The following ATG7 variants were observed in gnomAD, a reference collection of about 807,000 sequenced individuals.
The protein encoded by ATG7 is autophagy related 7.
ATG7 carries 70 observed loss-of-function variants against 82.4 expected under a neutral mutation model. The ratio of observed to expected loss-of-function variants is 0.85; its 90% CI spans 0.70 to 1.04. The LOEUF (loss-of-function observed/expected upper bound fraction) is 1.04, where lower values mean the gene tolerates loss of function less well. Ranked by LOEUF, ATG7 falls within the 50% of genes least tolerant of loss-of-function variation. ATG7 has a pLI of 0.00. For synonymous variants in ATG7, 287 were observed against 313.0 expected (o/e 0.92, Z 0.88); for missense variants, 792 against 864.3 (o/e 0.92, Z 1.05).
chr3:11,413,520 A>G (rs143456128), intron 19 of ATG7, among the ~76,000 whole-genome samples: 5 of 152,256 alleles, frequency 3.3e-5, no homozygotes, highest in East Asian at 3.9e-4. Context: ...GTCATGTTGT[A>G]TAATCCTTTT....
At chr3:11,458,441 T>C (rs1046461250) in intron 20 of ATG7, among the ~76,000 whole-genome samples, 1 of 152,108 alleles carries the variant, frequency 6.6e-6, no homozygotes, top group African/African-American at 2.4e-5. Flanking sequence ...TTTTTTGTAT[T>C]TTTAGTAGAG....
intron 3 of ATG7, among the ~76,000 whole-genome samples, chr3:11,295,735 A>G (rs1382961811): frequency 6.6e-6 from 1 of 150,564 alleles, no homozygotes; most frequent in East Asian, 1.9e-4. Context: ...TTCCAACTAC[A>G]GCTTTCTTTG....
chr3:11,564,816 G>A, the ATG7 span: 16 of 1,576,942 alleles, frequency 1.0e-5, no homozygotes, highest in South Asian at 1.1e-5. Flanking sequence ...CTCCCCCGGG[G>A]TCAGTGTGGG....
intron 20 of ATG7, among the ~76,000 whole-genome samples, chr3:11,429,014 C>T (rs1265001382): frequency 8.5e-5 from 13 of 152,132 alleles, no homozygotes; most frequent in African/African-American, 2.9e-4. Context: ...GTTTCATCCA[C>T]GAGCCTGAGT....
intron 20 of ATG7, among the ~76,000 whole-genome samples, chr3:11,509,188 C>T (rs1183687866): frequency 3.3e-5 from 5 of 152,152 alleles, no homozygotes; most frequent in Non-Finnish European, 7.3e-5. Flanking sequence ...GACGCAGCGC[C>T]ACATGGCCAA....
At chr3:11,307,797 T>C (rs1390681493) in intron 6 of ATG7, among the ~76,000 whole-genome samples, 1 of 152,208 alleles carries the variant, frequency 6.6e-6, no homozygotes. Flanking sequence ...TACCAGTCTT[T>C]ATCACGACAT....
intron 3 of ATG7, among the ~76,000 whole-genome samples, chr3:11,283,495 A>G (rs80169326): frequency 0.011 from 1,730 of 152,248 alleles, 24 homozygotes; most frequent in East Asian, 0.075. Context: ...CAGGGGGGTG[A>G]AGGAACCTGC....
At chr3:11,395,890 A>AGAT (rs1316678747) in intron 19 of ATG7, among the ~76,000 whole-genome samples, 14 of 133,830 alleles carry the variant, frequency 1.0e-4, no homozygotes, top group African/African-American at 3.6e-4. Flanking sequence ...CAGTGAGCGG[A>AGAT]GGTCACACCA....
chr3:11,277,035 C>T (rs753008789), intron 1 of ATG7, among the ~76,000 whole-genome samples: 1 of 152,216 alleles, frequency 6.6e-6, no homozygotes, highest in Non-Finnish European at 1.5e-5. Context: ...GACTCTTCCT[C>T]TGGTACTAGC....
chr3:11,318,777 C>A (rs775744301), intron 9 of ATG7, among the ~76,000 whole-genome samples: 1 of 152,130 alleles, frequency 6.6e-6, no homozygotes, highest in African/African-American at 2.4e-5. Flanking sequence ...CTCCAAATGC[C>A]GCAGCTTCCC....
chr3:11,510,150 G>A, intron 20 of ATG7: 1 of 451,094 alleles, frequency 2.2e-6, no homozygotes, highest in Non-Finnish European at 4.5e-6. Context: ...CTGACACAGA[G>A]TTGCCTGAAA....
chr3:11,519,045 AT>A (rs1337568639), intron 20 of ATG7, among the ~76,000 whole-genome samples: 3 of 152,030 alleles, frequency 2.0e-5, no homozygotes, highest in African/African-American at 2.4e-5. Flanking sequence ...ATCTTCAAAC[AT>A]TTTTTTCCCC....
the ATG7 span, among the ~76,000 whole-genome samples, chr3:11,566,929 A>G: frequency 2.1e-4 from 32 of 152,180 alleles, no homozygotes; most frequent in African/African-American, 7.5e-4. Context: ...CGTGTAAGAA[A>G]GGCAGGTATC....
Position 11,528,038 on chromosome 3 carries a change from C to T in ATG7, c.2080-26773C>T, listed in dbSNP as rs114521567. Among the ~76,000 whole-genome samples, 341 of 152,344 alleles carry T rather than the reference C, an allele frequency of 2.2e-3. 2 individuals carry two copies. Among genetic ancestry groups the T allele is most frequent in the African/African-American group, 8.0e-3 (332 of 41,582 alleles). On this transcript the variant is annotated intron_variant, in intron 20 of 20. Transcript: ENST00000693202. Reference sequence around the variant, plus strand: ...TTGCCTGTTACTTGAAGATCACCCACGTGTGGTCCCTTCTGCTTCAATTGT... The same window carrying T: ...TTGCCTGTTACTTGAAGATCACCCATGTGTGGTCCCTTCTGCTTCAATTGT...
At chr3:11,570,157 G>A in the ATG7 span, among the ~76,000 whole-genome samples, 1 of 152,126 alleles carries the variant, frequency 6.6e-6, no homozygotes, top group South Asian at 2.1e-4. Context: ...TGGAGAAGAT[G>A]AAGGCTTTGC....
At chr3:11,286,114 G>T (rs1002813620) in intron 3 of ATG7, among the ~76,000 whole-genome samples, 1 of 152,226 alleles carries the variant, frequency 6.6e-6, no homozygotes, top group Non-Finnish European at 1.5e-5. Context: ...CAGATGCTGT[G>T]TTCTTTCCAT....
chr3:11,336,036 A>ATTTT (rs541306159), intron 11 of ATG7, among the ~76,000 whole-genome samples: 1 of 111,718 alleles, frequency 9.0e-6, no homozygotes, highest in African/African-American at 3.7e-5. Flanking sequence ...GTGCCCGGTC[A>ATTTT]TTTTTTTTTT....
chr3:11,515,451 G>A (rs1228943162), intron 20 of ATG7, among the ~76,000 whole-genome samples: 2 of 152,144 alleles, frequency 1.3e-5, no homozygotes, highest in Non-Finnish European at 2.9e-5. Context: ...TTACAGGCCC[G>A]TGCCACCACG....
intron 20 of ATG7, among the ~76,000 whole-genome samples, chr3:11,517,341 A>G (rs1193887158): frequency 1.9e-5 from 2 of 104,706 alleles, no homozygotes; most frequent in Admixed American, 9.7e-5. Context: ...CTCCACCTCA[A>G]AAAAAAAAAA....
Sources: gnomAD v4.1 joint callset for allele counts (sites outside exome capture counted in the v4.1 genomes callset) on GRCh38, gnomAD v4.1.1 for gene constraint, MANE v1.5 for transcripts, NCBI Gene and HGNC (gene_info 2026-07-23, HGNC 2026-07-21) for gene names.